Variants in DMBT1 observed in about 807,000 individuals in gnomAD.
The protein encoded by DMBT1 is deleted in malignant brain tumors 1.
DMBT1 carries 198 observed loss-of-function variants against 252.9 expected under a neutral mutation model. The ratio of observed to expected loss-of-function variants is 0.78; its 90% confidence interval spans 0.70 to 0.88. The LOEUF (loss-of-function observed/expected upper bound fraction) is 0.88. Among genes scored for constraint, DMBT1 ranks in the 40% least tolerant of loss-of-function variants. The pLI, the probability that DMBT1 is intolerant of heterozygous loss-of-function variation, is 0.00. For missense variants in DMBT1, 2,432 were observed against 2,404.7 expected (o/e 1.01, Z -0.24); for synonymous variants, 990 against 942.7 (o/e 1.05, Z -0.92).
At chr10:122,577,351 G>C (rs1056332845) in intron 7 of DMBT1, among the ~76,000 whole-genome samples, 2 of 152,192 alleles carry the variant, frequency 1.3e-5, no homozygotes, top group African/African-American at 4.8e-5. Flanking sequence ...TGGAAGTGGG[G>C]TAAGGGTGGG....
Position 122,630,003 on chromosome 10 carries a change from G to A in DMBT1, c.5822+10G>A, listed in dbSNP as rs2098147591. The A allele has an allele frequency of 6.2e-7, 1 of 1,613,876 alleles. No individual in the cohort carries two copies. The highest frequency in any genetic ancestry group is 1.3e-5 in the African/African-American group (1 of 75,044). On this transcript the variant is annotated intron_variant, in intron 47 of 55. Coordinates refer to ENST00000338354, the MANE Select transcript of DMBT1 (RefSeq NM_001377530.1). ...GCTTCAGTAATCTGAAGTAAGTAATGCCTGGTCATCTGGTGAGGGGTGAGT... is the reference window on the plus strand; with the variant it reads ...GCTTCAGTAATCTGAAGTAAGTAATACCTGGTCATCTGGTGAGGGGTGAGT...
intron 2 of DMBT1, among the ~76,000 whole-genome samples, chr10:122,568,236 G>C (rs949874998): frequency 6.6e-6 from 1 of 152,156 alleles, no homozygotes; most frequent in Non-Finnish European, 1.5e-5. Flanking sequence ...AATTCAAACG[G>C]AGGGAAGAGG....
At chr10:122,564,354 A>G (rs2133499690) in intron 1 of DMBT1, among the ~76,000 whole-genome samples, 1 of 152,356 alleles carries the variant, frequency 6.6e-6, no homozygotes, top group South Asian at 2.1e-4. Context: ...CTGTAGTTCC[A>G]GCTACTCTAG....
intron 7 of DMBT1, among the ~76,000 whole-genome samples, chr10:122,577,203 C>A (rs758643907): frequency 5.1e-4 from 78 of 152,356 alleles, no homozygotes; most frequent in Non-Finnish European, 1.6e-4. Flanking sequence ...TTCTCAGGGA[C>A]AGCACGTTTT....
chr10:122,634,444 CT>C (rs2098204595), intron 52 of DMBT1, among the ~76,000 whole-genome samples: 7 of 66,258 alleles, frequency 1.1e-4, no homozygotes, highest in Non-Finnish European at 1.6e-4. Flanking sequence ...CTCTCTCTCT[CT>C]CTCTCTCTCT....
chr10:122,625,834 GTA>G, intron 45 of DMBT1, 97 bp from the exon 46 acceptor site: 1 of 1,007,562 alleles, frequency 9.9e-7, no homozygotes, highest in Non-Finnish European at 1.6e-6. Context: ...GAGAAGTCCT[GTA>G]CTAAGGAAAA....
chr10:122,635,890 C>A, intron 52 of DMBT1, 101 bp from the exon 53 acceptor site: 1 of 1,272,834 alleles, frequency 7.9e-7, no homozygotes. Flanking sequence ...TGAACTTTGT[C>A]AGAGTTTCTG....
chr10:122,627,959 T>C (rs2098130171), intron 46 of DMBT1, among the ~76,000 whole-genome samples: 1 of 152,220 alleles, frequency 6.6e-6, no homozygotes, highest in African/African-American at 2.4e-5. Flanking sequence ...TCATTAGCCG[T>C]CAGGGTCATG....
At chr10:122,638,389 G>A (rs1198281130) in intron 54 of DMBT1, among the ~76,000 whole-genome samples, 1 of 152,152 alleles carries the variant, frequency 6.6e-6, no homozygotes, top group Non-Finnish European at 1.5e-5. Context: ...GGCTGATCAT[G>A]AATAGCACAC....
rs138794787 is a variant in DMBT1, at chr10:122,599,795, C to T, written c.3281-269C>T. On this transcript the variant is annotated intron_variant, in intron 26 of 55. Coordinates refer to ENST00000338354, the MANE Select transcript of DMBT1 (RefSeq NM_001377530.1). ...CTTGCTGACTCAAGAATGCCTAAGA[C>T]GTGCAAGGGAGAGGGTTGGTTTAGG... Among the ~76,000 whole-genome samples the T allele has an allele frequency of 2.0e-3, 309 of 152,206 alleles. 3 individuals carry two copies. The highest frequency in any genetic ancestry group is 7.0e-3 in the African/African-American group (289 of 41,538).
chr10:122,565,922 T>A (rs371138898), intron 1 of DMBT1, 45 bp from the exon 2 acceptor site: 141 of 1,604,520 alleles, frequency 8.8e-5, no homozygotes, highest in Middle Eastern at 1.6e-4. Flanking sequence ...TTGTAGGAAA[T>A]CATTTCTAAA....
Position 122,592,435 on chromosome 10 carries a change from G to C in DMBT1, c.2340G>C (p.Thr780=). 6.3e-7 allele frequency: 1 copy of C among 1,588,292 alleles called. No individual in the cohort carries two copies. Among genetic ancestry groups the C allele is most frequent in the Middle Eastern group, 1.7e-4 (1 of 6,000 alleles). Residue 780 remains threonine (T), a synonymous_variant, in exon 20 of 56, where the codon ACG becomes ACC. Transcript: ENST00000338354. The part of the protein sequence containing the change: ...VCRQLGCGWA[T]SAPGNARFGQ... ...GGCAGCTGGGCTGTGGCTGGGCCAC[G>C]TCGGCCCCAGGAAATGCCCGGTTTG...
At chr10:122,633,409 A>G in intron 52 of DMBT1, 68 bp downstream of exon 52, 1 of 1,585,756 alleles carries the variant, frequency 6.3e-7, no homozygotes, top group Non-Finnish European at 8.6e-7. Context: ...AATGGTGCTT[A>G]AGTGTGCGCC....
intron 44 of DMBT1, among the ~76,000 whole-genome samples, chr10:122,622,984 C>T (rs1430699343): frequency 6.6e-6 from 1 of 152,130 alleles, no homozygotes; most frequent in Non-Finnish European, 1.5e-5. Flanking sequence ...ATGTTCATTA[C>T]CATCATCTCT....
chr10:122,593,208 T>C (rs1194337584), intron 20 of DMBT1, among the ~76,000 whole-genome samples: 1 of 148,822 alleles, frequency 6.7e-6, no homozygotes, highest in Non-Finnish European at 1.5e-5. Context: ...AGGCATGGCC[T>C]TGTTATTGCC....
chr10:122,588,625 A>T (rs1469618171), intron 16 of DMBT1, among the ~76,000 whole-genome samples: 1 of 148,816 alleles, frequency 6.7e-6, no homozygotes, highest in Non-Finnish European at 1.5e-5. Context: ...GAACATGGGG[A>T]CAGCATGGTC....
In DMBT1 at chr10:122,643,636, C is replaced by T. The variant is rs1844967551; in HGVS notation, c.*238C>T. On this transcript the variant is annotated 3_prime_UTR_variant, in exon 56 of 56. Transcript: ENST00000338354. ...CCTGGATGGCCCATAGACCTGACGT[C>T]CCAGAATCCATGCTTCTCATCTGCA... 2 of 567,594 alleles carry T rather than the reference C, an allele frequency of 3.5e-6. No individual in the cohort carries two copies. The highest frequency in any genetic ancestry group is 6.2e-6 in the Non-Finnish European group (2 of 322,336). 35.2% of individuals were successfully genotyped at this position (567,594 alleles called of 1,614,324 possible). A position where few individuals can be genotyped will look rare whatever the true frequency, so the allele number is the denominator to read the frequency against.
At chr10:122,638,427 ATTTATT>A (rs1198082906) in intron 54 of DMBT1, among the ~76,000 whole-genome samples, 3 of 152,072 alleles carry the variant, frequency 2.0e-5, no homozygotes, top group African/African-American at 7.3e-5. Flanking sequence ...CCACTCATTT[ATTTATT>A]TTTATTTTAT....
chr10:122,628,601 A>T (rs1412608175), intron 46 of DMBT1, among the ~76,000 whole-genome samples: 1 of 152,206 alleles, frequency 6.6e-6, no homozygotes, highest in Non-Finnish European at 1.5e-5. Context: ...GTGCCACTGC[A>T]CTCCAGCCTG....
Sources: allele counts gnomAD v4.1 joint callset (sites outside exome capture counted in the v4.1 genomes callset), GRCh38; gene constraint gnomAD v4.1.1; transcripts MANE v1.5; gene names NCBI Gene and HGNC (gene_info 2026-07-23, HGNC 2026-07-21).